Variants in UNC13C observed in about 807,000 individuals in gnomAD.
The protein encoded by UNC13C is unc-13 homolog C.
Under a neutral mutation model 245.4 loss-of-function variants are expected in UNC13C, and 174 were observed. The ratio of observed to expected loss-of-function variants is 0.71; its 90% confidence interval spans 0.63 to 0.80. The LOEUF is 0.80. UNC13C is among the 30% of genes least tolerant of loss of function. UNC13C has a pLI of 0.00. For missense variants in UNC13C, 2,829 were observed against 2,602.9 expected (o/e 1.09, Z -1.89); for synonymous variants, 992 against 895.1 (o/e 1.11, Z -1.93).
intron 30 of UNC13C, among the ~76,000 whole-genome samples, chr15:54,602,675 A>C (rs1418118572): frequency 6.6e-6 from 1 of 152,170 alleles, no homozygotes; most frequent in Non-Finnish European, 1.5e-5. Context: ...AAGGACCACA[A>C]AAGTCATCAA....
intron 2 of UNC13C, chr15:54,050,031 G>A (rs899889885): frequency 3.1e-5 from 9 of 285,786 alleles, no homozygotes; most frequent in East Asian, 8.9e-5. Flanking sequence ...GTGCAGTGGC[G>A]TGACCTCGGC....
intron 29 of UNC13C, among the ~76,000 whole-genome samples, chr15:54,566,858 G>C (rs1485100946): frequency 6.6e-6 from 1 of 152,076 alleles, no homozygotes; most frequent in Admixed American, 6.6e-5. Flanking sequence ...GAGCTTCTTT[G>C]ACATATTTCG....
chr15:53,865,110 G>A, the UNC13C span, among the ~76,000 whole-genome samples: 2 of 152,232 alleles, frequency 1.3e-5, no homozygotes, highest in African/African-American at 2.4e-5. Context: ...GATTGAATTT[G>A]TACTATTTTT....
intron 4 of UNC13C, among the ~76,000 whole-genome samples, chr15:54,226,793 G>C (rs576654830): frequency 1.3e-5 from 2 of 152,152 alleles, no homozygotes; most frequent in Non-Finnish European, 2.9e-5. Context: ...TGTGGCTTGC[G>C]CTGTAGGCAC....
intron 1 of UNC13C, among the ~76,000 whole-genome samples, chr15:53,981,309 G>A (rs1893919098): frequency 6.6e-6 from 1 of 151,990 alleles, no homozygotes; most frequent in African/African-American, 2.4e-5. Flanking sequence ...GCATTCTCTA[G>A]AATTTTTGAA....
At chr15:54,623,995 G>C (rs776940245) in intron 32 of UNC13C, 41 bp downstream of exon 32, 2 of 1,610,324 alleles carry the variant, frequency 1.2e-6, no homozygotes, top group Middle Eastern at 1.7e-4. Flanking sequence ...CCAGGCAATA[G>C]TTACTGTACA....
chr15:54,159,994 C>G (rs1322695678), intron 4 of UNC13C, among the ~76,000 whole-genome samples: 1 of 152,010 alleles, frequency 6.6e-6, no homozygotes. Context: ...TAGAAGTCAG[C>G]AAAGGCATTC....
intron 2 of UNC13C, chr15:54,050,045 C>T (rs1286712186): frequency 2.0e-5 from 6 of 305,098 alleles, no homozygotes; most frequent in Non-Finnish European, 3.9e-5. Flanking sequence ...CCTCGGCTCA[C>T]TGCAACCTCC....
intron 17 of UNC13C, among the ~76,000 whole-genome samples, chr15:54,356,428 A>G (rs1412006751): frequency 6.6e-6 from 1 of 152,026 alleles, no homozygotes; most frequent in African/African-American, 2.4e-5. Flanking sequence ...CTGGGCTGCT[A>G]TAACAAAAAT....
At chr15:54,285,251 G>A (rs372048746) in intron 10 of UNC13C, among the ~76,000 whole-genome samples, 87 of 151,806 alleles carry the variant, frequency 5.7e-4, no homozygotes, top group Middle Eastern at 3.4e-3. Context: ...AAGTGTTGAG[G>A]ACTCTTTTTT....
intron 5 of UNC13C, 37 bp from the exon 6 acceptor site, chr15:54,236,393 T>C (rs1423511348): frequency 6.5e-7 from 1 of 1,542,602 alleles, no homozygotes; most frequent in South Asian, 1.1e-5. Context: ...TATCTAATTA[T>C]TTACATTTTG....
At chr15:54,552,780 AATATAAT>A (rs1896869799) in intron 28 of UNC13C, among the ~76,000 whole-genome samples, 1 of 95,660 alleles carries the variant, frequency 1.0e-5, no homozygotes, top group Non-Finnish European at 1.8e-5. Context: ...TACAATATAT[AATATAAT>A]ATATAATATA....
chr15:54,040,348 A>G (rs1896759536), intron 2 of UNC13C, among the ~76,000 whole-genome samples: 2 of 152,174 alleles, frequency 1.3e-5, no homozygotes, highest in African/African-American at 2.4e-5. Flanking sequence ...AAGAACCCTG[A>G]CCTTGCTACT....
intron 2 of UNC13C, among the ~76,000 whole-genome samples, chr15:54,018,593 C>A (rs896841612): frequency 1.3e-5 from 2 of 152,148 alleles, no homozygotes; most frequent in Non-Finnish European, 2.9e-5. Context: ...TTGTTGCTGG[C>A]CCCTGCTGAG....
intron 2 of UNC13C, among the ~76,000 whole-genome samples, chr15:54,110,863 C>T (rs2141174360): frequency 6.6e-6 from 1 of 152,286 alleles, no homozygotes; most frequent in South Asian, 2.1e-4. Flanking sequence ...TTAGTCCTTC[C>T]TCTTGTAACT....
intron 25 of UNC13C, among the ~76,000 whole-genome samples, chr15:54,526,642 G>T (rs1895475216): frequency 2.6e-5 from 4 of 151,282 alleles, no homozygotes. Flanking sequence ...TACTCAGGAG[G>T]CTGAGGCAGG....
chr15:54,628,839 G>GTA (rs1901366548), downstream of UNC13C: 1 of 152,056 alleles, frequency 6.6e-6, no homozygotes, highest in South Asian at 2.1e-4. Context: ...TGGTGGGAGT[G>GTA]TAAATTACTT....
the UNC13C span, among the ~76,000 whole-genome samples, chr15:53,848,475 T>G: frequency 1.4e-4 from 21 of 152,302 alleles, no homozygotes; most frequent in African/African-American, 5.1e-4. Context: ...TTGCATATTG[T>G]CAGAGAACAT....
At chr15:54,365,693 A>G (rs1406867146) in intron 17 of UNC13C, among the ~76,000 whole-genome samples, 1 of 151,900 alleles carries the variant, frequency 6.6e-6, no homozygotes, top group Non-Finnish European at 1.5e-5. Context: ...GAGTCTTTCT[A>G]GTGGGCCCTT....
Sources: allele counts gnomAD v4.1 joint callset (sites outside exome capture counted in the v4.1 genomes callset), GRCh38; gene constraint gnomAD v4.1.1; transcripts MANE v1.5; gene names NCBI Gene and HGNC (gene_info 2026-07-23, HGNC 2026-07-21).